The following CLDN10 variants were observed in gnomAD, a reference collection of about 807,000 sequenced individuals.
CLDN10 encodes claudin-10.
A neutral mutation model predicts 22.9 loss-of-function variants in CLDN10; 15 were observed. That is an observed-to-expected ratio of 0.65 (90% CI 0.44 to 1.01). The LOEUF (loss-of-function observed/expected upper bound fraction) is 1.01. Ranked by LOEUF, CLDN10 falls within the 50% of genes least tolerant of loss-of-function variation. The pLI is 0.00. For missense variants in CLDN10, 247 were observed against 287.8 expected, an observed-to-expected ratio of 0.86 and a Z score of 1.03; for synonymous variants, 114 against 111.4, an observed-to-expected ratio of 1.02 and a Z score of -0.15.
At chr13:95,460,227 T>G (rs2042521979) in intron 1 of CLDN10, among the ~76,000 whole-genome samples, 1 of 152,192 alleles carries the variant, frequency 6.6e-6, no homozygotes, top group South Asian at 2.1e-4. Context: ...TTCCACATCT[T>G]CCTGTCTTCT....
intron 1 of CLDN10, among the ~76,000 whole-genome samples, 171 bp downstream of exon 1, chr13:95,553,144 C>T (rs1215187213): frequency 6.6e-6 from 1 of 152,190 alleles, no homozygotes; most frequent in East Asian, 1.9e-4. Flanking sequence ...CTGGTGCCCG[C>T]CCTCTCCTGA....
intron 1 of CLDN10, among the ~76,000 whole-genome samples, chr13:95,449,804 C>T (rs1335235014): frequency 6.8e-6 from 1 of 147,612 alleles, no homozygotes; most frequent in East Asian, 2.0e-4. Flanking sequence ...AGTGCAGTGG[C>T]ACAACCTCCG....
Position 95,526,787 on chromosome 13 carries a change from C to T in CLDN10, c.215-33345C>T, listed in dbSNP as rs903504963. On this transcript the variant is annotated intron_variant, in intron 1 of 4. Coordinates refer to the CLDN10 transcript ENST00000376873. ...GGGCAATAAGAGTGAAATTCCATCT[C>T]AAATAAATAAATAAATAAATAAATA... 9.3e-5 allele frequency among the ~76,000 whole-genome samples: 14 copies of T among 149,820 alleles called. No homozygotes were observed. The South Asian group carries it at 1.1e-3, about 11-fold the overall frequency.
At chr13:95,569,584 C>A (rs1305741444) in intron 3 of CLDN10, among the ~76,000 whole-genome samples, 1 of 151,582 alleles carries the variant, frequency 6.6e-6, no homozygotes, top group Non-Finnish European at 1.5e-5. Context: ...TGAGACTCTG[C>A]CTCAAAAAAT....
chr13:95,546,097 GA>G, intron 1 of CLDN10, among the ~76,000 whole-genome samples: 1 of 152,280 alleles, frequency 6.6e-6, no homozygotes, highest in East Asian at 1.9e-4. Flanking sequence ...ATGAAGTAAG[GA>G]AACTAGGTAC....
At chr13:95,484,473 TTA>T (rs1255729118) in intron 1 of CLDN10, among the ~76,000 whole-genome samples, 6 of 152,142 alleles carry the variant, frequency 3.9e-5, no homozygotes, top group African/African-American at 1.4e-4. Flanking sequence ...ATGAATAATT[TTA>T]TATGTCATTC....
At chr13:95,531,109 G>T (rs553959916) in intron 1 of CLDN10, among the ~76,000 whole-genome samples, 2 of 151,614 alleles carry the variant, frequency 1.3e-5, no homozygotes, top group African/African-American at 4.8e-5. Flanking sequence ...TAGTAAAGAC[G>T]GGGTTTCACC....
intron 1 of CLDN10, among the ~76,000 whole-genome samples, chr13:95,444,087 G>T (rs574812600): frequency 6.6e-6 from 1 of 152,124 alleles, no homozygotes; most frequent in East Asian, 1.9e-4. Flanking sequence ...CTCTCACAAG[G>T]TTCATAGCTC....
chr13:95,493,151 C>T (rs2042893723), intron 1 of CLDN10, among the ~76,000 whole-genome samples: 1 of 152,054 alleles, frequency 6.6e-6, no homozygotes, highest in Non-Finnish European at 1.5e-5. Flanking sequence ...GGTCAGTGGA[C>T]CCTGCAACTC....
At chr13:95,480,014 T>C (rs1347527432) in intron 1 of CLDN10, 1 of 152,386 alleles carries the variant, frequency 6.6e-6, no homozygotes, top group African/African-American at 2.4e-5. Context: ...GGAGGTTTAA[T>C]GGACTCACAG....
chr13:95,531,762 C>T (rs1457327138), intron 1 of CLDN10, among the ~76,000 whole-genome samples: 1 of 150,802 alleles, frequency 6.6e-6, no homozygotes, highest in Non-Finnish European at 1.5e-5. Context: ...AGGCTGCTCT[C>T]GAACTCCTGA....
upstream of CLDN10, among the ~76,000 whole-genome samples, chr13:95,548,348 A>T: frequency 6.6e-6 from 1 of 152,194 alleles, no homozygotes; most frequent in Non-Finnish European, 1.5e-5. Flanking sequence ...GTTTCAAATG[A>T]ATGCATGAAA....
chr13:95,567,921 G>A (rs576067185), intron 3 of CLDN10, among the ~76,000 whole-genome samples: 10 of 152,080 alleles, frequency 6.6e-5, no homozygotes, highest in Non-Finnish European at 2.9e-5. Context: ...GATGGATTAC[G>A]TTTATTGATT....
In CLDN10 at chr13:95,552,748, G is replaced by C. The variant is rs1162340267; in HGVS notation, c.-6G>C. The C allele has an allele frequency of 9.3e-6, 15 of 1,606,862 alleles. No individual in the cohort carries two copies. The highest frequency in any genetic ancestry group is 1.3e-5 in the African/African-American group (1 of 74,742). On this transcript the variant is annotated 5_prime_UTR_variant, in exon 1 of 5. Transcript: ENST00000299339. ...CCGGAGAGCGAGCGCGGCTGCAGCCGGCGGCATGGCTAGCACGGCTTCGGA... is the reference window on the plus strand; with the variant it reads ...CCGGAGAGCGAGCGCGGCTGCAGCCCGCGGCATGGCTAGCACGGCTTCGGA...
intron 3 of CLDN10, among the ~76,000 whole-genome samples, chr13:95,563,149 T>C (rs935258830): frequency 2.0e-5 from 3 of 150,528 alleles, no homozygotes; most frequent in Non-Finnish European, 4.4e-5. Flanking sequence ...TGTATTCTCA[T>C]CTGTAAAACA....
intron 1 of CLDN10, among the ~76,000 whole-genome samples, chr13:95,541,849 T>C (rs1020849453): frequency 3.3e-5 from 5 of 152,256 alleles, no homozygotes; most frequent in Non-Finnish European, 5.9e-5. Context: ...ATATTTTTCA[T>C]ATGTAAAAAT....
At chr13:95,555,232 A>G (rs2043620710) in intron 1 of CLDN10, among the ~76,000 whole-genome samples, 1 of 152,014 alleles carries the variant, frequency 6.6e-6, no homozygotes, top group Admixed American at 6.5e-5. Flanking sequence ...TTTTGCATTT[A>G]GTAGAGACAG....
chr13:95,567,417 CTGTT>C (rs1237629537), intron 3 of CLDN10, among the ~76,000 whole-genome samples: 6 of 152,122 alleles, frequency 3.9e-5, no homozygotes, highest in Non-Finnish European at 7.3e-5. Flanking sequence ...ATTTGGCTCT[CTGTT>C]TGTCTGTTAT....
At chr13:95,517,922 A>G (rs1169517640) in intron 1 of CLDN10, among the ~76,000 whole-genome samples, 2 of 139,382 alleles carry the variant, frequency 1.4e-5, no homozygotes, top group Admixed American at 1.5e-4. Flanking sequence ...AACAAGAGCA[A>G]AACTCCACCT....
Sources: gnomAD v4.1 joint callset for allele counts (sites outside exome capture counted in the v4.1 genomes callset) on GRCh38, gnomAD v4.1.1 for gene constraint, MANE v1.5 for transcripts, NCBI Gene and HGNC (gene_info 2026-07-23, HGNC 2026-07-21) for gene names.